Variants in FSTL4 observed in about 807,000 individuals in gnomAD.
The protein encoded by FSTL4 is follistatin-related protein 4.
A neutral mutation model predicts 78.2 loss-of-function variants in FSTL4; 28 were observed. That is an observed-to-expected ratio of 0.36 (90% CI 0.27 to 0.49). The LOEUF is 0.49. FSTL4 is among the 20% of genes least tolerant of loss of function. FSTL4 has a pLI of 0.98. For synonymous variants in FSTL4, 422 were observed against 440.5 expected (o/e 0.96, Z 0.53); for missense variants, 922 against 1,084.9 (o/e 0.85, Z 2.11).
chr5:133,210,141 G>T, intron 14 of FSTL4, 50 bp downstream of exon 14: 1 of 942,280 alleles, frequency 1.1e-6, no homozygotes, highest in Non-Finnish European at 1.7e-6. Context: ...TAGGGAGAGA[G>T]TTCTTCTCTC....
At chr5:133,626,492 C>A in the FSTL4 span, among the ~76,000 whole-genome samples, 2 of 149,816 alleles carry the variant, frequency 1.3e-5, no homozygotes, top group African/African-American at 2.5e-5. Flanking sequence ...TGCGAACCAC[C>A]GCACTTGGCC....
At position 133,225,246 on chromosome 5, in the gene FSTL4, C is replaced by T; in HGVS notation, c.1216G>A (p.Glu406Lys). The T allele has an allele frequency of 6.2e-7, 1 of 1,614,240 alleles. No individual in the cohort carries two copies. The highest frequency in any genetic ancestry group is 1.1e-5 in the South Asian group (1 of 91,090). ...SELHISSVRY[E>K]DTGAYTCIAK... ...ATGCAGGTGTATGCCCCTGTGTCTT[C>T]ATACCGAACACTGCTGATGTGGAGT... The change falls in exon 10 of 16, where the codon GAA (glutamate) becomes AAA (lysine). Residue 406 changes from glutamate to lysine, a missense_variant. Glu to Lys is a moderately conservative substitution (Grantham distance 56). Transcript: ENST00000265342. This position sits in a 1 kb window ranked among gnomAD's most constrained non-coding sequence, Gnocchi z 4.6.
chr5:133,391,888 T>C (rs1755859316), intron 4 of FSTL4, among the ~76,000 whole-genome samples: 1 of 152,214 alleles, frequency 6.6e-6, no homozygotes, highest in East Asian at 1.9e-4. Context: ...CACCATCACA[T>C]AGACTTCATC....
chr5:133,731,701 G>A, the FSTL4 span, among the ~76,000 whole-genome samples: 3 of 152,108 alleles, frequency 2.0e-5, no homozygotes, highest in Non-Finnish European at 4.4e-5. Context: ...AGATAAAGCA[G>A]GACAGAGGGG....
At chr5:133,578,776 A>C (rs564695840) in intron 2 of FSTL4, among the ~76,000 whole-genome samples, 24 of 152,232 alleles carry the variant, frequency 1.6e-4, no homozygotes, top group Middle Eastern at 3.2e-3. Flanking sequence ...ACATTCAGTT[A>C]CATTTGATGA....
At chr5:133,764,163 A>G in the FSTL4 span, among the ~76,000 whole-genome samples, 1 of 152,118 alleles carries the variant, frequency 6.6e-6, no homozygotes, top group African/African-American at 2.4e-5. Context: ...TGGGTCTTTG[A>G]TTCACAGTTT....
the FSTL4 span, among the ~76,000 whole-genome samples, chr5:133,758,998 AG>A: frequency 1.5e-3 from 223 of 152,368 alleles, 1 homozygote; most frequent in African/African-American, 4.7e-3. Context: ...ACCTAGACTT[AG>A]AAGTGACTTA....
chr5:133,631,992 C>T, the FSTL4 span, among the ~76,000 whole-genome samples: 1 of 151,572 alleles, frequency 6.6e-6, no homozygotes, highest in African/African-American at 2.4e-5. Flanking sequence ...ACACCGGGGT[C>T]TGTTGTGGGG....
rs1035240159 is a variant in FSTL4 at position 133,338,651 on chromosome 5, C to G, written c.410-21999G>C. 2.0e-5 allele frequency among the ~76,000 whole-genome samples: 3 copies of G among 152,062 alleles called. No homozygotes were observed. Among genetic ancestry groups the G allele is most frequent in the Admixed American group, 1.3e-4 (2 of 15,268 alleles). ...ATGTCCCACCCCACTGTTGGCCTGA[C>G]ATTTCCCCACATTGTCCCACAGGCC... On this transcript the variant is annotated intron_variant, in intron 4 of 15. Transcript: ENST00000265342. This position sits in a 1 kb window ranked among gnomAD's most constrained non-coding sequence, Gnocchi z 4.0.
chr5:133,693,784 G>T, the FSTL4 span, among the ~76,000 whole-genome samples: 1 of 152,180 alleles, frequency 6.6e-6, no homozygotes. Context: ...GAGTCTAAAG[G>T]TTGGAGACCC....
chr5:133,812,152 A>C, the FSTL4 span, among the ~76,000 whole-genome samples: 1 of 152,048 alleles, frequency 6.6e-6, no homozygotes, highest in Non-Finnish European at 1.5e-5. Flanking sequence ...TCCAAAATAA[A>C]TCTTGAATTC....
the FSTL4 span, among the ~76,000 whole-genome samples, chr5:133,671,226 A>C: frequency 2.0e-5 from 3 of 152,148 alleles, no homozygotes; most frequent in African/African-American, 7.2e-5. Flanking sequence ...AGACAGCCCC[A>C]CCAAGACCAG....
At position 133,589,831 on chromosome 5, in the gene FSTL4, A is replaced by C. The variant is rs116350722; in HGVS notation, c.126+14027T>G. On this transcript the variant is annotated intron_variant, in intron 2 of 15. Transcript: ENST00000265342. ...CTGTGGTTAGGAATACATGCTAGAT[A>C]GTCAGAAAGCCAGATGCAAACCCTG... 3.4e-3 allele frequency among the ~76,000 whole-genome samples: 517 copies of C among 152,304 alleles called. 5 individuals carry two copies. Among genetic ancestry groups the C allele is most frequent in the African/African-American group, 0.012 (491 of 41,552 alleles).
chr5:133,750,469 GC>G, the FSTL4 span, among the ~76,000 whole-genome samples: 2 of 151,904 alleles, frequency 1.3e-5, no homozygotes, highest in Non-Finnish European at 2.9e-5. Flanking sequence ...CACAGCCCAG[GC>G]CCCCCAGGGT....
At chr5:133,634,848 T>C in the FSTL4 span, among the ~76,000 whole-genome samples, 1 of 152,152 alleles carries the variant, frequency 6.6e-6, no homozygotes, top group South Asian at 2.1e-4. Flanking sequence ...AGTACCCTCA[T>C]AATCTACAGC....
At chr5:133,502,563 G>A (rs1287578719) in intron 3 of FSTL4, among the ~76,000 whole-genome samples, 1 of 152,178 alleles carries the variant, frequency 6.6e-6, no homozygotes, top group Non-Finnish European at 1.5e-5. Flanking sequence ...CTCATGAATG[G>A]GTTAGCACCA....
chr5:133,707,073 C>G, the FSTL4 span, among the ~76,000 whole-genome samples: 1 of 152,188 alleles, frequency 6.6e-6, no homozygotes, highest in African/African-American at 2.4e-5. Flanking sequence ...GTGAGTTTCC[C>G]TCTTCTACAA....
chr5:133,813,104 A>G, the FSTL4 span, among the ~76,000 whole-genome samples: 1 of 152,156 alleles, frequency 6.6e-6, no homozygotes, highest in Non-Finnish European at 1.5e-5. Context: ...GCCCACACTC[A>G]TCTCCAGAAG....
intron 13 of FSTL4, among the ~76,000 whole-genome samples, chr5:133,216,743 T>C (rs367867036): frequency 3.5e-4 from 54 of 152,380 alleles, no homozygotes; most frequent in African/African-American, 1.3e-3. Flanking sequence ...ACTTTCTCAC[T>C]GAAATGTCCT....
Sources: allele counts gnomAD v4.1 joint callset (sites outside exome capture counted in the v4.1 genomes callset), GRCh38; gene constraint gnomAD v4.1.1; non-coding constraint Gnocchi (gnomAD v3.1); transcripts MANE v1.5; gene names NCBI Gene and HGNC (gene_info 2026-07-23, HGNC 2026-07-21).